Variants in LRPPRC observed in about 807,000 individuals in gnomAD.
LRPPRC encodes the protein leucine rich pentatricopeptide repeat containing.
In LRPPRC, 120 loss-of-function variants were observed where a neutral mutation model predicts 180.3. The observed-to-expected ratio is 0.67, with a 90% CI of 0.57 to 0.77. The LOEUF (loss-of-function observed/expected upper bound fraction) is 0.77, where lower values mean the gene tolerates loss of function less well. Ranked by LOEUF, LRPPRC falls within the 30% of genes least tolerant of loss-of-function variation. LRPPRC has a pLI of 0.00. For missense variants in LRPPRC, 2,012 were observed against 1,657.2 expected (o/e 1.21, Z -3.72); for synonymous variants, 723 against 600.0 (o/e 1.21, Z -3.00).
At chr2:43,958,877 G>A (rs539821895) in intron 13 of LRPPRC, 2 of 237,622 alleles carry the variant, frequency 8.4e-6, no homozygotes, top group South Asian at 1.3e-4. Context: ...GGCACTGACA[G>A]GAAAAGCTCA....
chr2:43,975,585 T>G (rs994542515), intron 6 of LRPPRC, among the ~76,000 whole-genome samples: 1 of 151,516 alleles, frequency 6.6e-6, no homozygotes, highest in Non-Finnish European at 1.5e-5. Context: ...CAGTTTCTTT[T>G]TTCTTTTTTT....
In LRPPRC at chr2:43,948,506, T is replaced by C. The variant is rs376797015; in HGVS notation, c.1748A>G (p.Tyr583Cys). 2.2e-5 allele frequency: 35 copies of C among 1,574,574 alleles called. No homozygotes were observed. Among genetic ancestry groups the C allele is most frequent in the African/African-American group, 5.4e-5 (4 of 74,268 alleles). Residue 583 changes from tyrosine (Y) to cysteine (C), a missense_variant, in exon 17 of 38, where the codon TAT (tyrosine) becomes TGT (cysteine). Tyr to Cys is a radical substitution (Grantham distance 194). Coordinates refer to ENST00000260665, the MANE Select transcript of LRPPRC (RefSeq NM_133259.4). ...EPRGPTEAVG[Y>C]FLYNLIDSMS... ...GCTGTCAATCAAGTTATAAAGAAAA[T>C]AGCCAACAGCTTCTGTGGAAAAAAA...
At chr2:43,940,490 T>G (rs374940829) in intron 23 of LRPPRC, among the ~76,000 whole-genome samples, 1 of 152,192 alleles carries the variant, frequency 6.6e-6, no homozygotes, top group Non-Finnish European at 1.5e-5. Flanking sequence ...TCTGGGAGGA[T>G]AGTATATATG....
intron 19 of LRPPRC, 21 bp downstream of exon 19, chr2:43,947,710 T>A: frequency 7.1e-7 from 1 of 1,409,350 alleles, no homozygotes; most frequent in East Asian, 2.3e-5. Flanking sequence ...GCATGTAGAA[T>A]CTAGTCAAAA....
rs190514857 is a variant in LRPPRC, at chr2:43,912,294, C to T, written c.3275+138G>A. Reference sequence around the variant, plus strand: ...AAAAAACCTGATAAAGTTAGTTAACCATTTCATATGATTTTTATGGGTAGC... The same window carrying T: ...AAAAAACCTGATAAAGTTAGTTAACTATTTCATATGATTTTTATGGGTAGC... On this transcript the variant is annotated intron_variant, in intron 30 of 37. Coordinates refer to ENST00000260665, the MANE Select transcript of LRPPRC (RefSeq NM_133259.4). 5.5e-5 allele frequency: 40 copies of T among 732,824 alleles called. No individual in the cohort carries two copies. In the African/African-American group the frequency reaches 5.7e-4, roughly 10 times the overall value. 45.4% of individuals were successfully genotyped at this position (732,824 alleles called of 1,614,324 possible). A position where few individuals can be genotyped will look rare whatever the true frequency, so the allele number is the denominator to read the frequency against.
rs1163476569 is a variant in LRPPRC, at chr2:43,889,733, C to CA, written c.4128dup (p.Glu1377Ter). ...TTTCCCCTTAATTAAGAAATACTCACAGGGGGTTCAATGAAAGGGACAGGC... is the reference window on the plus strand; with the variant it reads ...TTTCCCCTTAATTAAGAAATACTCACAAGGGGGTTCAATGAAAGGGACAGGC... On this transcript the variant is annotated frameshift_variant and splice_region_variant. Coordinates refer to ENST00000260665, the MANE Select transcript of LRPPRC (RefSeq NM_133259.4). LOFTEE classifies it high-confidence loss of function. The CA allele has an allele frequency of 4.3e-6, 7 of 1,610,276 alleles. No individual in the cohort carries two copies. Among genetic ancestry groups the CA allele is most frequent in the Non-Finnish European group, 4.2e-6 (5 of 1,176,632 alleles).
rs958015610 is a variant in LRPPRC, at chr2:43,990,800, C to T, written c.149+4999G>A. Among the ~76,000 whole-genome samples, 3 of 151,100 alleles carry T rather than the reference C, an allele frequency of 2.0e-5. No homozygotes were observed. In the East Asian group the frequency reaches 5.8e-4, roughly 29 times the overall value. On this transcript the variant is annotated intron_variant, in intron 1 of 37. Transcript: ENST00000260665. The stretch of plus-strand genomic sequence containing the variant: ...AAATCTACACTCACAGAGCAGAGGC[C>T]GAATGTTACAGATTTCAGAACCCCA...
chr2:43,991,905 A>G (rs1277573508), intron 1 of LRPPRC, among the ~76,000 whole-genome samples: 10 of 152,204 alleles, frequency 6.6e-5, no homozygotes, highest in Admixed American at 5.2e-4. Context: ...CATCCCTTCA[A>G]TCTCCTCCAG....
chr2:43,932,017 T>C (rs553902955), intron 25 of LRPPRC, among the ~76,000 whole-genome samples: 1 of 150,306 alleles, frequency 6.7e-6, no homozygotes, highest in East Asian at 2.0e-4. Flanking sequence ...AAGGACTTTT[T>C]TCAGACTAGG....
intron 6 of LRPPRC, among the ~76,000 whole-genome samples, chr2:43,975,434 T>C (rs1049635376): frequency 1.3e-5 from 2 of 152,162 alleles, no homozygotes; most frequent in Non-Finnish European, 2.9e-5. Context: ...AATAATTACA[T>C]AGACATTAAA....
intron 2 of LRPPRC, among the ~76,000 whole-genome samples, chr2:43,980,753 C>A (rs1674270776): frequency 1.3e-5 from 2 of 152,108 alleles, no homozygotes; most frequent in South Asian, 4.1e-4. Context: ...CAAAAATAAA[C>A]CACTTAGTAT....
intron 13 of LRPPRC, among the ~76,000 whole-genome samples, chr2:43,960,269 C>T (rs1388172622): frequency 6.6e-6 from 1 of 152,156 alleles, no homozygotes; most frequent in Non-Finnish European, 1.5e-5. Context: ...ATCACATAAT[C>T]GGTGGCCAAA....
rs1216481276 is a variant in LRPPRC at position 43,886,681 on chromosome 2, T to G, written c.*1919A>C. On this transcript the variant is annotated 3_prime_UTR_variant, in exon 38 of 38. Coordinates refer to ENST00000260665, the MANE Select transcript of LRPPRC (RefSeq NM_133259.4). ...ACTTCATGCAAATGAGATGGTACTTTCAGTTTCCCCAAAAAGATGACTGCG... is the reference window on the plus strand; with the variant it reads ...ACTTCATGCAAATGAGATGGTACTTGCAGTTTCCCCAAAAAGATGACTGCG... The G allele has an allele frequency of 1.3e-5, 2 of 152,212 alleles. No homozygotes were observed. Among genetic ancestry groups the G allele is most frequent in the Non-Finnish European group, 2.9e-5 (2 of 68,056 alleles). 9.4% of individuals were successfully genotyped at this position (152,212 alleles called of 1,614,324 possible). A position where few individuals can be genotyped will look rare whatever the true frequency, so the allele number is the denominator to read the frequency against.
At chr2:43,961,712 G>C (rs1013924568) in intron 12 of LRPPRC, among the ~76,000 whole-genome samples, 1 of 152,202 alleles carries the variant, frequency 6.6e-6, no homozygotes, top group Non-Finnish European at 1.5e-5. Context: ...TGCAATGCCA[G>C]CATTTTGCGA....
At chr2:43,962,513 TG>T (rs1232704013) in intron 12 of LRPPRC, among the ~76,000 whole-genome samples, 1 of 152,238 alleles carries the variant, frequency 6.6e-6, no homozygotes. Context: ...TCTGCCAACT[TG>T]TTCCTAACTG....
chr2:43,898,135 G>A (rs1438939468), intron 34 of LRPPRC, among the ~76,000 whole-genome samples: 1 of 149,160 alleles, frequency 6.7e-6, no homozygotes, highest in Non-Finnish European at 1.5e-5. Context: ...AAAATTCCCA[G>A]TGAACCGGAA....
At chr2:43,967,847 G>C (rs563611252) in intron 11 of LRPPRC, among the ~76,000 whole-genome samples, 11 of 152,084 alleles carry the variant, frequency 7.2e-5, no homozygotes, top group Admixed American at 2.6e-4. Flanking sequence ...TAATTCACTG[G>C]GTATCACTAC....
chr2:43,947,402 C>T (rs750375279), intron 19 of LRPPRC, 32 bp from the exon 20 acceptor site: 1 of 1,139,312 alleles, frequency 8.8e-7, no homozygotes, highest in Non-Finnish European at 1.3e-6. Flanking sequence ...AGAAAAATTT[C>T]CTGAAAAAGG....
At chr2:43,957,533 T>C (rs1000939665) in intron 13 of LRPPRC, 82 bp from the exon 14 acceptor site, 26 of 959,942 alleles carry the variant, frequency 2.7e-5, no homozygotes, top group African/African-American at 2.4e-4. Flanking sequence ...AACATATTTA[T>C]ACCAATACCT....
Sources: gnomAD v4.1 joint callset for allele counts (sites outside exome capture counted in the v4.1 genomes callset) on GRCh38, gnomAD v4.1.1 for gene constraint, MANE v1.5 for transcripts, NCBI Gene and HGNC (gene_info 2026-07-23, HGNC 2026-07-21) for gene names.